Variants in IL4I1 observed in about 807,000 individuals in gnomAD.
IL4I1 encodes the protein L-amino-acid oxidase.
In IL4I1, 24 loss-of-function variants were observed where a neutral mutation model predicts 29.7. That is an observed-to-expected ratio of 0.81 (90% CI 0.59 to 1.14). The LOEUF (loss-of-function observed/expected upper bound fraction) is 1.14. Among genes scored for constraint, IL4I1 ranks in the 50% most tolerant of loss-of-function variants. IL4I1 has a pLI of 0.00. For synonymous variants in IL4I1, 371 were observed against 352.5 expected, an observed-to-expected ratio of 1.05 and a Z score of -0.59; for missense variants, 686 against 785.6, an observed-to-expected ratio of 0.87 and a Z score of 1.52.
intron 2 of IL4I1, chr19:49,912,785 G>C (rs1029619976): frequency 6.8e-6 from 1 of 146,912 alleles, no homozygotes; most frequent in African/African-American, 2.6e-5. Context: ...AGGATCACTG[G>C]AGCCCAGGGA....
At chr19:49,916,415 G>A (rs1246361474) in intron 2 of IL4I1, among the ~76,000 whole-genome samples, 9 of 148,746 alleles carry the variant, frequency 6.1e-5, no homozygotes, top group Non-Finnish European at 1.2e-4. Flanking sequence ...GTGCAGTGGC[G>A]GGATCTTGGC....
chr19:49,921,213 G>A lies in IL4I1; in HGVS notation c.-228+6481C>T, dbSNP rs2075757738. Among the ~76,000 whole-genome samples the A allele has an allele frequency of 6.6e-6, 1 of 152,126 alleles. No individual in the cohort carries two copies. Among genetic ancestry groups the A allele is most frequent in the Non-Finnish European group, 1.5e-5 (1 of 68,034 alleles). On this transcript the variant is annotated intron_variant, in intron 2 of 9. Transcript: ENST00000341114. This position sits in a 1 kb window ranked among gnomAD's most constrained non-coding sequence, Gnocchi z 5.4. Reference sequence around the variant, plus strand: ...TATCATGGCTCCCATTTATAAATGAGCAAACTGAGAAAGGGGAGAGGACTT... The same window carrying A: ...TATCATGGCTCCCATTTATAAATGAACAAACTGAGAAAGGGGAGAGGACTT...
chr19:49,923,963 C>T (rs958070225), intron 2 of IL4I1, among the ~76,000 whole-genome samples: 7 of 152,262 alleles, frequency 4.6e-5, no homozygotes, highest in African/African-American at 1.7e-4. Context: ...TGATGCAAAA[C>T]TCGGAGCCTT....
At chr19:49,916,148 G>C (rs35246621) in intron 2 of IL4I1, among the ~76,000 whole-genome samples, 24,030 of 152,228 alleles carry the variant, frequency 0.16, 2,449 homozygotes, top group Non-Finnish European at 0.23. Context: ...GCAGACCCAT[G>C]ATGGGAAACC....
chr19:49,890,929 GCCC>G, intron 7 of IL4I1, 39 bp downstream of exon 7: 7 of 454,452 alleles, frequency 1.5e-5, no homozygotes, highest in Non-Finnish European at 2.1e-5. Context: ...TTCCCTGATT[GCCC>G]CCCGCCCCCC....
intron 2 of IL4I1, chr19:49,909,726 G>T: frequency 1.2e-6 from 2 of 1,614,144 alleles, no homozygotes; most frequent in Non-Finnish European, 8.5e-7. Context: ...CCTGTAGCAG[G>T]TGTGGTTGTT....
rs182015007 is a variant in IL4I1 at position 49,912,326 on chromosome 19, G to C, written c.-227-8005C>G. Among the ~76,000 whole-genome samples, 27 of 152,064 alleles carry C rather than the reference G, an allele frequency of 1.8e-4. 1 individual carries two copies. The highest frequency in any genetic ancestry group is 1.6e-3 in the Admixed American group (24 of 15,276). On this transcript the variant is annotated intron_variant, in intron 2 of 9. Coordinates refer to the IL4I1 transcript ENST00000341114. ...TGGGATTACAGGCGCATGCCACCAC[G>C]CCCGGCTAATTTTTGTATTTTTAGT...
At chr19:49,914,179 TACTAGAACTTGGGAAGTTTCTCACAA>T (rs1220722725) in intron 2 of IL4I1, among the ~76,000 whole-genome samples, 1 of 152,080 alleles carries the variant, frequency 6.6e-6, no homozygotes, top group Admixed American at 6.5e-5. Context: ...AAGCCACAAA[TACTAGAACTTGGGAAGTTTCTCACAA>T]ATGCAAACTA....
At position 49,890,162 on chromosome 19, in the gene IL4I1, C is replaced by A. The variant is rs757552751; in HGVS notation, c.1212G>T (p.Ala404=). Residue 404 remains alanine, a synonymous_variant, in exon 8 of 8, where the codon GCG becomes GCT. Transcript: ENST00000391826. Reference sequence around the variant, plus strand: ...CCCGGCTCAAGCCGGCGAACGCTGCCGCCGCGTCCGACCACGTGTACGAGG... The same window carrying A: ...CCCGGCTCAAGCCGGCGAACGCTGCAGCCGCGTCCGACCACGTGTACGAGG... ...LLASYTWSDA[A]AAFAGLSREE... 5 of 1,541,968 alleles carry A rather than the reference C, an allele frequency of 3.2e-6. No homozygotes were observed. The highest frequency in any genetic ancestry group is 4.4e-6 in the Non-Finnish European group (5 of 1,143,086).
intron 2 of IL4I1, chr19:49,907,540 T>TC (rs2075350000): frequency 7.2e-6 from 1 of 138,298 alleles, no homozygotes; most frequent in Admixed American, 9.4e-5. Context: ...GGAGTTTCTT[T>TC]TTTTTTTTTT....
At chr19:49,896,101 G>A in intron 2 of IL4I1, 47 bp downstream of exon 2, 1 of 1,585,446 alleles carries the variant, frequency 6.3e-7, no homozygotes, top group Non-Finnish European at 8.6e-7. Context: ...GGTCGGGGGA[G>A]AGGGGTTCTA....
intron 7 of IL4I1, 53 bp downstream of exon 7, chr19:49,890,918 T>G (rs915437423): frequency 5.7e-6 from 7 of 1,221,338 alleles, no homozygotes; most frequent in Non-Finnish European, 7.8e-6. Flanking sequence ...TCCCTGCTAC[T>G]TTCCCTGATT....
At chr19:49,929,197 G>T in intron 1 of IL4I1, 1 of 152,216 alleles carries the variant, frequency 6.6e-6, no homozygotes. Flanking sequence ...AGTCCCCGGG[G>T]CCGCCTCATT....
At chr19:49,906,892 A>C (rs1200507530) in intron 2 of IL4I1, 1 of 152,324 alleles carries the variant, frequency 6.6e-6, no homozygotes. Context: ...AGAATTCAGC[A>C]AAGTATAAAG....
rs756418357 is a variant in IL4I1, at chr19:49,891,447, G to C, written c.594C>G (p.Gly198=). The C allele has an allele frequency of 1.2e-6, 2 of 1,614,150 alleles. No homozygotes were observed. The highest frequency in any genetic ancestry group is 8.5e-7 in the Non-Finnish European group (1 of 1,180,004). ...CAAACTTCTTCATCGCCTTTCTGCA[G>C]CCCAGTGCCTTGAGGTCTTTGAGGG... ...NQALKDLKAL[G]CRKAMKKFER... Residue 198 remains glycine, a synonymous_variant, in exon 6 of 8, where the codon GGC becomes GGG. Transcript: ENST00000391826.
intron 2 of IL4I1, among the ~76,000 whole-genome samples, chr19:49,922,004 G>A (rs374803259): frequency 1.2e-4 from 19 of 152,302 alleles, no homozygotes; most frequent in African/African-American, 4.3e-4. Flanking sequence ...CCACGACCAC[G>A]AGGGACCAAG....
At chr19:49,913,503 G>A (rs1000938946) in intron 2 of IL4I1, among the ~76,000 whole-genome samples, 9 of 152,172 alleles carry the variant, frequency 5.9e-5, no homozygotes, top group African/African-American at 9.7e-5. Context: ...TCAGCCACAC[G>A]GGTGCGCCAT....
intron 3 of IL4I1, among the ~76,000 whole-genome samples, chr19:49,902,769 G>A (rs1318120802): frequency 6.6e-6 from 1 of 151,502 alleles, no homozygotes; most frequent in Non-Finnish European, 1.5e-5. Flanking sequence ...GGCAGAGGTC[G>A]CTATGAGTTG....
chr19:49,915,343 T>G (rs1326811707), intron 2 of IL4I1, among the ~76,000 whole-genome samples: 1 of 152,094 alleles, frequency 6.6e-6, no homozygotes, highest in Non-Finnish European at 1.5e-5. Context: ...CAGAGGGAGA[T>G]GTGCCTATGG....
Sources: gnomAD v4.1 joint callset for allele counts (sites outside exome capture counted in the v4.1 genomes callset) on GRCh38, gnomAD v4.1.1 for gene constraint, Gnocchi (gnomAD v3.1) non-coding constraint, MANE v1.5 for transcripts, NCBI Gene and HGNC (gene_info 2026-07-23, HGNC 2026-07-21) for gene names.